The following ZBTB20 variants were observed in gnomAD, a reference collection of about 807,000 sequenced individuals.
The protein encoded by ZBTB20 is zinc finger and BTB domain containing 20.
In ZBTB20, 9 loss-of-function variants were observed where a neutral mutation model predicts 56.9. The ratio of observed to expected loss-of-function variants is 0.16; its 90% confidence interval spans 0.10 to 0.28. The LOEUF (loss-of-function observed/expected upper bound fraction) is 0.28, where lower values mean the gene tolerates loss of function less well. Ranked by LOEUF, ZBTB20 falls within the 10% of genes least tolerant of loss-of-function variation. The pLI is 1.00. For missense variants in ZBTB20, 655 were observed against 1,003.0 expected (o/e 0.65, Z 4.69); for synonymous variants, 417 against 420.7 (o/e 0.99, Z 0.11).
At chr3:114,780,060 TA>T (rs2069962330) in intron 5 of ZBTB20, among the ~76,000 whole-genome samples, 1 of 152,216 alleles carries the variant, frequency 6.6e-6, no homozygotes. Flanking sequence ...AAATCCTGAA[TA>T]AAACCAGACT....
At chr3:114,779,208 T>C in intron 5 of ZBTB20, among the ~76,000 whole-genome samples, 1 of 152,186 alleles carries the variant, frequency 6.6e-6, no homozygotes, top group East Asian at 1.9e-4. Context: ...ACCTAACTTA[T>C]CTTTAGAAGG....
intron 7 of ZBTB20, among the ~76,000 whole-genome samples, chr3:114,445,218 T>C (rs1419876938): frequency 6.6e-6 from 1 of 152,214 alleles, no homozygotes; most frequent in African/African-American, 2.4e-5. Flanking sequence ...GATGTTGTTA[T>C]AAATCCTTGC....
intron 7 of ZBTB20, among the ~76,000 whole-genome samples, chr3:114,404,555 G>C (rs2087123230): frequency 6.6e-6 from 1 of 152,058 alleles, no homozygotes. Flanking sequence ...ATCAATAATA[G>C]TTTCATATGT....
intron 4 of ZBTB20, among the ~76,000 whole-genome samples, chr3:114,853,198 C>A (rs950836917): frequency 3.3e-5 from 5 of 152,176 alleles, no homozygotes; most frequent in Non-Finnish European, 5.9e-5. Flanking sequence ...TGTTGTAGAA[C>A]AAGCCTTAGC....
chr3:114,623,227 G>A (rs1264439422), intron 6 of ZBTB20, among the ~76,000 whole-genome samples: 1 of 152,120 alleles, frequency 6.6e-6, no homozygotes, highest in Non-Finnish European at 1.5e-5. Context: ...GAGTTATTAA[G>A]AAGGATGTGG....
At chr3:115,131,736 T>C (rs1469259300) in intron 1 of ZBTB20, among the ~76,000 whole-genome samples, 1 of 152,224 alleles carries the variant, frequency 6.6e-6, no homozygotes, top group African/African-American at 2.4e-5. Context: ...AGGTAGAATA[T>C]ATCACATTTC....
At chr3:115,113,952 T>C (rs948830465) in intron 1 of ZBTB20, among the ~76,000 whole-genome samples, 1 of 152,054 alleles carries the variant, frequency 6.6e-6, no homozygotes, top group African/African-American at 2.4e-5. Context: ...CTGTTTGTCT[T>C]GGCATTGATT....
chr3:114,998,547 T>C (rs572308249), intron 2 of ZBTB20, among the ~76,000 whole-genome samples: 2 of 151,860 alleles, frequency 1.3e-5, no homozygotes, highest in East Asian at 3.9e-4. Context: ...ATTAGAATAT[T>C]ATTTCAATAA....
At position 114,747,932 on chromosome 3, in the gene ZBTB20, A is replaced by AC. The variant is rs1418472610; in HGVS notation, c.-343+53168_-343+53169insG. On this transcript the variant is annotated intron_variant, in intron 5 of 11. Transcript: ENST00000675478. ...ACTCCGTCTCAAAAAAAAAAAAAAA[A>AC]AAAAAAAAAAAAAAAAAACCAAGAT... 1.3e-5 allele frequency among the ~76,000 whole-genome samples: 2 copies of AC among 149,706 alleles called. 1 individual carries two copies. The highest frequency in any genetic ancestry group is 1.3e-4 in the Admixed American group (2 of 14,998).
At chr3:114,910,982 A>AT (rs770316958) in intron 3 of ZBTB20, among the ~76,000 whole-genome samples, 6 of 152,040 alleles carry the variant, frequency 3.9e-5, no homozygotes, top group Non-Finnish European at 7.4e-5. Context: ...CTTTCACAAA[A>AT]TTTGGGAATT....
chr3:114,864,257 T>C (rs1046498953), intron 4 of ZBTB20, among the ~76,000 whole-genome samples: 1 of 152,072 alleles, frequency 6.6e-6, no homozygotes, highest in African/African-American at 2.4e-5. Context: ...CATATATATG[T>C]CCATTGACAT....
At chr3:114,864,222 C>A (rs1488596818) in intron 4 of ZBTB20, among the ~76,000 whole-genome samples, 1 of 152,002 alleles carries the variant, frequency 6.6e-6, no homozygotes, top group Non-Finnish European at 1.5e-5. Flanking sequence ...GATAAAACAG[C>A]CCCAGGAATT....
chr3:114,515,324 G>T (rs1440844778), intron 6 of ZBTB20, among the ~76,000 whole-genome samples: 2 of 152,106 alleles, frequency 1.3e-5, no homozygotes, highest in Admixed American at 1.3e-4. Context: ...ATACCCACCA[G>T]CTCCATCAAT....
chr3:114,645,594 A>C (rs1005524268), intron 6 of ZBTB20, among the ~76,000 whole-genome samples: 9 of 152,124 alleles, frequency 5.9e-5, no homozygotes, highest in African/African-American at 2.2e-4. Context: ...TGAGGGTCAA[A>C]GTTATTTTAT....
chr3:114,760,322 T>A (rs1460396136), intron 5 of ZBTB20, among the ~76,000 whole-genome samples: 1 of 152,166 alleles, frequency 6.6e-6, no homozygotes, highest in Non-Finnish European at 1.5e-5. Flanking sequence ...CACCAGACTC[T>A]AAAAGAGAAA....
intron 3 of ZBTB20, chr3:114,931,087 G>T (rs890373044): frequency 1.2e-5 from 2 of 171,362 alleles, no homozygotes; most frequent in African/African-American, 2.4e-5. Context: ...CTTACTACAG[G>T]CAGAGACCCT....
chr3:114,775,066 G>A (rs975069398), intron 5 of ZBTB20, among the ~76,000 whole-genome samples: 2 of 151,692 alleles, frequency 1.3e-5, no homozygotes, highest in African/African-American at 4.8e-5. Context: ...CCATTCCCAC[G>A]AGCCCACCTG....
intron 6 of ZBTB20, among the ~76,000 whole-genome samples, chr3:114,659,789 T>A (rs2060620102): frequency 6.6e-6 from 1 of 152,194 alleles, no homozygotes. Context: ...GGAAAAGATT[T>A]ATGAAGTGAC....
intron 6 of ZBTB20, among the ~76,000 whole-genome samples, chr3:114,508,576 T>A (rs537999534): frequency 6.6e-6 from 1 of 152,256 alleles, no homozygotes; most frequent in East Asian, 1.9e-4. Context: ...GGCAGTAGAT[T>A]AAAGAAGAAA....
Sources: allele counts gnomAD v4.1 joint callset (sites outside exome capture counted in the v4.1 genomes callset), GRCh38; gene constraint gnomAD v4.1.1; transcripts MANE v1.5; gene names NCBI Gene and HGNC (gene_info 2026-07-23, HGNC 2026-07-21).